B3GALT1: variants seen among roughly 807,000 people sequenced by gnomAD.
The protein encoded by B3GALT1 is beta-1,3-galactosyltransferase 1.
A neutral mutation model predicts 23.2 loss-of-function variants in B3GALT1; 10 were observed. That is an observed-to-expected ratio of 0.43 (90% CI 0.27 to 0.73). B3GALT1 has a LOEUF of 0.73. B3GALT1 is among the 30% of genes least tolerant of loss of function. The pLI is 0.21. For synonymous variants in B3GALT1, 156 were observed against 141.5 expected (o/e 1.10, Z -0.73); for missense variants, 299 against 405.4 (o/e 0.74, Z 2.25).
intron 4 of B3GALT1, among the ~76,000 whole-genome samples, chr2:167,858,404 G>A (rs966927546): frequency 3.3e-5 from 5 of 149,422 alleles, no homozygotes; most frequent in Admixed American, 6.7e-5. Context: ...TTGACTGATC[G>A]TTCCTTATGA....
chr2:167,778,126 G>A (rs1463032083), intron 3 of B3GALT1, among the ~76,000 whole-genome samples: 2 of 152,178 alleles, frequency 1.3e-5, no homozygotes, highest in African/African-American at 2.4e-5. Flanking sequence ...GGAGTTAACA[G>A]CAATGCAAAG....
intron 4 of B3GALT1, among the ~76,000 whole-genome samples, chr2:167,849,610 G>A (rs1020144308): frequency 7.2e-5 from 11 of 152,038 alleles, no homozygotes; most frequent in Non-Finnish European, 1.2e-4. Flanking sequence ...AAACCTGGCC[G>A]GGCGCGGTGG....
Position 167,870,708 on chromosome 2 carries a change from TTTTC to T in B3GALT1, c.*692_*695del, listed in dbSNP as rs200098380. On this transcript the variant is annotated 3_prime_UTR_variant, in exon 5 of 5. Transcript: ENST00000392690. ...TAACAAAGTAAACAAAAGATTTTTT[TTTTC>T]TTTTTTTTTCTTTCTTTTTTGTTTT... The T allele has an allele frequency of 2.2e-3, 372 of 166,122 alleles. No individual in the cohort carries two copies. Among genetic ancestry groups the T allele is most frequent in the Non-Finnish European group, 3.3e-3 (225 of 68,004 alleles). 10.3% of individuals were successfully genotyped at this position (166,122 alleles called of 1,614,324 possible). A position where few individuals can be genotyped will look rare whatever the true frequency, so the allele number is the denominator to read the frequency against.
chr2:167,406,180 A>T (rs187205462), intron 1 of B3GALT1, among the ~76,000 whole-genome samples: 2 of 152,284 alleles, frequency 1.3e-5, no homozygotes, highest in African/African-American at 4.8e-5. Flanking sequence ...TTGTAGAAAT[A>T]AATGTGAAGG....
chr2:167,490,412 A>G (rs1425628919), intron 2 of B3GALT1, 135 bp downstream of exon 2: 1 of 152,244 alleles, frequency 6.6e-6, no homozygotes, highest in East Asian at 1.9e-4. Flanking sequence ...CATGCTTTAT[A>G]CCTTTCATGT....
chr2:167,582,707 C>T (rs1157586436), intron 2 of B3GALT1, among the ~76,000 whole-genome samples: 3 of 152,220 alleles, frequency 2.0e-5, no homozygotes, highest in East Asian at 3.9e-4. Flanking sequence ...CCTTGCTGGT[C>T]CCTGAGTCTG....
intron 2 of B3GALT1, among the ~76,000 whole-genome samples, chr2:167,612,313 A>G (rs1463762899): frequency 6.6e-6 from 1 of 151,740 alleles, no homozygotes; most frequent in Non-Finnish European, 1.5e-5. Context: ...TAACCTTTTT[A>G]AATCTTTTGC....
chr2:167,563,773 C>CGGGT (rs1187217953), intron 2 of B3GALT1, among the ~76,000 whole-genome samples: 2 of 122 alleles, frequency 0.016, 1 homozygote, highest in Non-Finnish European at 0.022. Flanking sequence ...GGCGGCTGGA[C>CGGGT]TCGGGGCTGA....
At chr2:167,853,809 A>G (rs1689950003) in intron 4 of B3GALT1, among the ~76,000 whole-genome samples, 1 of 152,164 alleles carries the variant, frequency 6.6e-6, no homozygotes, top group Non-Finnish European at 1.5e-5. Context: ...ATGGTGGCCT[A>G]CTTTAAAATG....
At chr2:167,864,026 GTA>G (rs1491431583) in intron 4 of B3GALT1, among the ~76,000 whole-genome samples, 8 of 148,256 alleles carry the variant, frequency 5.4e-5, no homozygotes, top group Non-Finnish European at 8.9e-5. Flanking sequence ...GTGTGTGTGT[GTA>G]TGTTTCAGGT....
intron 3 of B3GALT1, among the ~76,000 whole-genome samples, chr2:167,792,589 T>C (rs1688455357): frequency 6.6e-6 from 1 of 152,168 alleles, no homozygotes; most frequent in Non-Finnish European, 1.5e-5. Flanking sequence ...CATTTTAGGA[T>C]ACAAAACTTG....
chr2:167,711,441 A>G (rs1687046754), intron 3 of B3GALT1, among the ~76,000 whole-genome samples: 1 of 152,260 alleles, frequency 6.6e-6, no homozygotes, highest in South Asian at 2.1e-4. Context: ...CACTGCAGGT[A>G]GAAAAAGGTA....
Position 167,861,486 on chromosome 2 carries a change from A to T in B3GALT1, c.-229-7325A>T, listed in dbSNP as rs150507673. Among the ~76,000 whole-genome samples the T allele has an allele frequency of 2.6e-3, 401 of 152,350 alleles. 4 individuals carry two copies. Among genetic ancestry groups the T allele is most frequent in the African/African-American group, 9.2e-3 (383 of 41,582 alleles). ...CACAAAGATAACAGAGCCAAAAAAC[A>T]GTAGGGGTAGAAGTCAAAAACCACA... On this transcript the variant is annotated intron_variant, in intron 4 of 4. Coordinates refer to ENST00000392690, the MANE Select transcript of B3GALT1 (RefSeq NM_020981.4).
chr2:167,866,829 G>C (rs1168327281), intron 4 of B3GALT1, among the ~76,000 whole-genome samples: 5 of 152,172 alleles, frequency 3.3e-5, no homozygotes, highest in Admixed American at 2.6e-4. Flanking sequence ...ACATAGCCTA[G>C]GACAATGGCA....
intron 1 of B3GALT1, among the ~76,000 whole-genome samples, chr2:167,422,253 T>G (rs891111722): frequency 3.6e-5 from 5 of 138,108 alleles, no homozygotes; most frequent in Admixed American, 1.5e-4. Flanking sequence ...TCTCTCTGCC[T>G]CTGCCTCTCT....
chr2:167,836,161 T>C (rs1689466237), intron 4 of B3GALT1, among the ~76,000 whole-genome samples: 2 of 152,088 alleles, frequency 1.3e-5, no homozygotes, highest in Non-Finnish European at 2.9e-5. Context: ...TCACCTTCAA[T>C]GGAACAAAGC....
intron 2 of B3GALT1, among the ~76,000 whole-genome samples, chr2:167,550,790 T>C (rs1011278947): frequency 9.9e-5 from 15 of 152,142 alleles, no homozygotes; most frequent in Non-Finnish European, 1.5e-5. Flanking sequence ...ACTTAAAAGA[T>C]GTTTTATTTA....
chr2:167,868,284 C>T (rs1690272828), intron 4 of B3GALT1, among the ~76,000 whole-genome samples: 1 of 152,170 alleles, frequency 6.6e-6, no homozygotes. Context: ...CCAAGAGAGA[C>T]ACAGCATTAG....
At chr2:167,638,754 GA>G (rs770352663) in intron 2 of B3GALT1, among the ~76,000 whole-genome samples, 18 of 151,940 alleles carry the variant, frequency 1.2e-4, no homozygotes, top group Non-Finnish European at 2.4e-4. Flanking sequence ...TGGTAAATAA[GA>G]AAAAATTTAA....
Sources: allele counts gnomAD v4.1 joint callset (sites outside exome capture counted in the v4.1 genomes callset), GRCh38; gene constraint gnomAD v4.1.1; transcripts MANE v1.5; gene names NCBI Gene and HGNC (gene_info 2026-07-23, HGNC 2026-07-21).